Variants in ZRANB3 observed in about 807,000 individuals in gnomAD.
ZRANB3 encodes the protein zinc finger RANBP2-type containing 3, also known as DNA annealing helicase and endonuclease ZRANB3.
In ZRANB3, 125 loss-of-function variants were observed where a neutral mutation model predicts 133.8. That is an observed-to-expected ratio of 0.93 (90% CI 0.81 to 1.08). The LOEUF (loss-of-function observed/expected upper bound fraction) is 1.08, where lower values mean the gene tolerates loss of function less well. Among genes scored for constraint, ZRANB3 ranks in the 50% least tolerant of loss-of-function variants. The probability of loss-of-function intolerance (pLI) is 0.00; values close to 1 mark genes in which losing one functional copy is unlikely to be tolerated. For missense variants in ZRANB3, 1,229 were observed against 1,275.5 expected (o/e 0.96, Z 0.56); for synonymous variants, 387 against 432.7 (o/e 0.89, Z 1.31).
chr2:135,379,749 CAATT>C (rs1686601380), intron 3 of ZRANB3, among the ~76,000 whole-genome samples: 1 of 152,154 alleles, frequency 6.6e-6, no homozygotes, highest in Non-Finnish European at 1.5e-5. Flanking sequence ...GAAACTACAT[CAATT>C]AACAGGCAAA....
At chr2:135,279,139 G>A (rs535055019) in intron 8 of ZRANB3, among the ~76,000 whole-genome samples, 1 of 152,170 alleles carries the variant, frequency 6.6e-6, no homozygotes, top group Admixed American at 6.5e-5. Flanking sequence ...ATAAGGTTAG[G>A]GGACTGTTAT....
rs542522042 is a variant in ZRANB3, at chr2:135,483,098, C to A, written c.161+21231G>T. On this transcript the variant is annotated intron_variant, in intron 2 of 20. Coordinates refer to ENST00000264159, the MANE Select transcript of ZRANB3 (RefSeq NM_032143.4). ...ATTCTCTTTTTTGGCTGTGTCTCTG[C>A]CCAGCTTTGGTATCAGAATGATGCT... is the stretch of plus-strand genomic sequence containing the variant. 4.6e-5 allele frequency among the ~76,000 whole-genome samples: 7 copies of A among 152,126 alleles called. No individual in the cohort carries two copies. The East Asian group carries it at 9.7e-4, about 21-fold the overall frequency.
intron 6 of ZRANB3, among the ~76,000 whole-genome samples, chr2:135,328,444 T>C (rs1257125317): frequency 1.1e-4 from 17 of 152,200 alleles, no homozygotes. Context: ...TACCACATTT[T>C]CTTAATCCAG....
intron 2 of ZRANB3, among the ~76,000 whole-genome samples, chr2:135,420,094 TA>T (rs1688769973): frequency 3.9e-5 from 3 of 76,168 alleles, no homozygotes; most frequent in Non-Finnish European, 6.2e-5. Flanking sequence ...CTTAGATTTA[TA>T]TATATATATA....
intron 8 of ZRANB3, among the ~76,000 whole-genome samples, chr2:135,302,943 A>C (rs1257616047): frequency 6.6e-6 from 1 of 152,180 alleles, no homozygotes; most frequent in Non-Finnish European, 1.5e-5. Context: ...AAGTAAGCAA[A>C]CAAGCAAAAA....
At chr2:135,371,141 G>A (rs1686160446) in intron 3 of ZRANB3, among the ~76,000 whole-genome samples, 1 of 152,164 alleles carries the variant, frequency 6.6e-6, no homozygotes, top group Admixed American at 6.5e-5. Context: ...GGATTTTTAA[G>A]TTCTGTCAAA....
chr2:135,250,554 T>C (rs1573759380), intron 12 of ZRANB3, among the ~76,000 whole-genome samples: 1 of 152,306 alleles, frequency 6.6e-6, no homozygotes, highest in African/African-American at 2.4e-5. Flanking sequence ...GTGGGCCAGG[T>C]CCAGGGTCCC....
At position 135,269,159 on chromosome 2, in the gene ZRANB3, A is replaced by T; in HGVS notation, c.1207-18T>A. On this transcript the variant is annotated intron_variant, in intron 10 of 20. Coordinates refer to ENST00000264159, the MANE Select transcript of ZRANB3 (RefSeq NM_032143.4). ...GTTAATCCCTAAGTGAAATAAAGCA[A>T]ATAAATTGAGAATGTAACATACAGC... The T allele has an allele frequency of 1.3e-6, 2 of 1,575,504 alleles. No homozygotes were observed. Among genetic ancestry groups the T allele is most frequent in the Non-Finnish European group, 1.7e-6 (2 of 1,163,052 alleles).
chr2:135,407,262 CAA>C (rs1688083338), intron 2 of ZRANB3, among the ~76,000 whole-genome samples: 3 of 132,736 alleles, frequency 2.3e-5, no homozygotes, highest in African/African-American at 1.1e-4. Flanking sequence ...ATCCAACTTA[CAA>C]GGGACATGAA....
At chr2:135,450,352 G>A (rs2105004226) in intron 2 of ZRANB3, among the ~76,000 whole-genome samples, 1 of 150,172 alleles carries the variant, frequency 6.7e-6, no homozygotes, top group East Asian at 1.9e-4. Context: ...GGCAATATTT[G>A]AAGCACTTCA....
intron 1 of ZRANB3, among the ~76,000 whole-genome samples, chr2:135,515,249 C>T (rs1170558331): frequency 1.3e-5 from 2 of 151,980 alleles, no homozygotes; most frequent in African/African-American, 4.8e-5. Flanking sequence ...CAAATTCGGC[C>T]GTGAATCTGT....
rs16831764 is a variant in ZRANB3, at chr2:135,509,364, T to C, written c.-7-4868A>G. On this transcript the variant is annotated intron_variant, in intron 1 of 20. Coordinates refer to ENST00000264159, the MANE Select transcript of ZRANB3 (RefSeq NM_032143.4). ...TCTAGTTTGAGACTCAATTTTAGAA[T>C]AAGGTATAACAAATAATGTTAACGG... Among the ~76,000 whole-genome samples, 870 of 152,248 alleles carry C rather than the reference T, an allele frequency of 5.7e-3. 14 individuals are homozygous for C. The highest frequency in any genetic ancestry group is 0.02 in the African/African-American group (820 of 41,542).
At chr2:135,403,522 C>G (rs6709525) in intron 2 of ZRANB3, among the ~76,000 whole-genome samples, 93,246 of 152,188 alleles carry the variant, frequency 0.61, 33,813 homozygotes, top group East Asian at 1. Flanking sequence ...ACTCCACCTC[C>G]GGGGCAGGGC....
At chr2:135,264,262 G>A (rs1182991174) in intron 12 of ZRANB3, among the ~76,000 whole-genome samples, 1 of 151,578 alleles carries the variant, frequency 6.6e-6, no homozygotes, top group East Asian at 2.0e-4. Flanking sequence ...CACAAGGTCA[G>A]GAGTTCGAGA....
At chr2:135,490,753 T>C (rs1692335248) in intron 2 of ZRANB3, among the ~76,000 whole-genome samples, 1 of 152,046 alleles carries the variant, frequency 6.6e-6, no homozygotes, top group African/African-American at 2.4e-5. Context: ...CACGAGTAGA[T>C]AAATGGAAAA....
intron 2 of ZRANB3, among the ~76,000 whole-genome samples, chr2:135,398,941 T>G (rs1340206914): frequency 6.6e-6 from 1 of 152,232 alleles, no homozygotes. Flanking sequence ...CTAATCACAC[T>G]GTGTTCAGTA....
At chr2:135,377,481 T>G (rs563257237) in intron 3 of ZRANB3, among the ~76,000 whole-genome samples, 1 of 152,228 alleles carries the variant, frequency 6.6e-6, no homozygotes, top group Admixed American at 6.5e-5. Flanking sequence ...TGAAGCATCC[T>G]GTAGTACCAG....
chr2:135,273,663 C>T (rs894442879), intron 9 of ZRANB3, among the ~76,000 whole-genome samples: 8 of 152,028 alleles, frequency 5.3e-5, no homozygotes, highest in African/African-American at 1.7e-4. Context: ...CCCAGCCTCC[C>T]GAGTAGCTGG....
intron 3 of ZRANB3, among the ~76,000 whole-genome samples, chr2:135,381,236 C>T (rs765842876): frequency 7.9e-5 from 12 of 152,194 alleles, no homozygotes; most frequent in East Asian, 1.9e-4. Context: ...CCTACGCCCA[C>T]GGAGCCTAGC....
Sources: allele counts gnomAD v4.1 joint callset (sites outside exome capture counted in the v4.1 genomes callset), GRCh38; gene constraint gnomAD v4.1.1; transcripts MANE v1.5; gene names NCBI Gene and HGNC (gene_info 2026-07-23, HGNC 2026-07-21).